Variants in XYLT1 observed in about 807,000 individuals in gnomAD.
XYLT1 encodes beta-D-xylosyltransferase 1.
In XYLT1, 36 loss-of-function variants were observed where a neutral mutation model predicts 91.3. That is an observed-to-expected ratio of 0.39 (90% CI 0.30 to 0.52). XYLT1 has a LOEUF of 0.52. Ranked by LOEUF, XYLT1 falls within the 20% of genes least tolerant of loss-of-function variation. The pLI, the probability that XYLT1 is intolerant of heterozygous loss-of-function variation, is 0.68. For synonymous variants in XYLT1, 588 were observed against 532.0 expected, an observed-to-expected ratio of 1.11 and a Z score of -1.45; for missense variants, 1,242 against 1,284.5, an observed-to-expected ratio of 0.97 and a Z score of 0.51.
chr16:17,240,886 A>G (rs1486475814), intron 3 of XYLT1, among the ~76,000 whole-genome samples: 2 of 152,198 alleles, frequency 1.3e-5, no homozygotes. Flanking sequence ...GATGTGCTCA[A>G]TGTTCCATAG....
At chr16:17,195,398 C>T (rs570025024) in intron 5 of XYLT1, among the ~76,000 whole-genome samples, 2 of 152,032 alleles carry the variant, frequency 1.3e-5, no homozygotes, top group Admixed American at 1.3e-4. Context: ...TTATGGCCCT[C>T]GAGTTTTTCT....
At chr16:17,276,595 C>G (rs1345672566) in intron 2 of XYLT1, among the ~76,000 whole-genome samples, 1 of 152,170 alleles carries the variant, frequency 6.6e-6, no homozygotes, top group African/African-American at 2.4e-5. Flanking sequence ...CTGTCATCAT[C>G]CAGAAGGAAA....
chr16:17,258,947 G>T lies in XYLT1; in HGVS notation c.913+41C>A. The T allele has an allele frequency of 1.4e-6, 2 of 1,478,082 alleles. 1 individual carries two copies. Among genetic ancestry groups the T allele is most frequent in the Middle Eastern group, 4.0e-4 (2 of 4,974 alleles). The allele number at this position is 1,478,082 out of a possible 1,614,324, so 91.6% of individuals were successfully genotyped here. A position where few individuals can be genotyped will look rare whatever the true frequency, so the allele number is the denominator to read the frequency against. ...TGGGGCTGGGCAGGAGGAGGAAGTG[G>T]CCAGGAGATCCCTCTCTGAGCCAGC... is the stretch of plus-strand genomic sequence containing the variant. On this transcript the variant is annotated intron_variant, in intron 3 of 11. Transcript: ENST00000261381.
intron 6 of XYLT1, among the ~76,000 whole-genome samples, chr16:17,152,753 A>G (rs1196514774): frequency 1.3e-4 from 20 of 152,214 alleles, no homozygotes; most frequent in Admixed American, 6.5e-5. Flanking sequence ...TGGGGTTCAG[A>G]CCAGAGAAGA....
At chr16:17,173,823 G>T (rs1364147543) in intron 5 of XYLT1, among the ~76,000 whole-genome samples, 1 of 152,198 alleles carries the variant, frequency 6.6e-6, no homozygotes, top group African/African-American at 2.4e-5. Context: ...CACCTTGCAG[G>T]TTTCTTTATC....
chr16:17,318,019 C>T (rs1012883547), intron 2 of XYLT1, among the ~76,000 whole-genome samples: 1 of 152,222 alleles, frequency 6.6e-6, no homozygotes, highest in Non-Finnish European at 1.5e-5. Flanking sequence ...CCTGTTTAAC[C>T]ATTATCACAG....
intron 3 of XYLT1, among the ~76,000 whole-genome samples, chr16:17,210,749 T>G (rs139505467): frequency 9.2e-5 from 14 of 152,280 alleles, no homozygotes; most frequent in Non-Finnish European, 2.1e-4. Context: ...AAGAGAGGAT[T>G]CACATGCTGC....
chr16:17,390,289 G>A (rs12924601), intron 1 of XYLT1, among the ~76,000 whole-genome samples: 69,178 of 152,046 alleles, frequency 0.45, 16,598 homozygotes, highest in African/African-American at 0.56. Flanking sequence ...CTGTATGTAC[G>A]TGAATAAGCT....
At chr16:17,209,645 T>C (rs2032722071) in intron 3 of XYLT1, among the ~76,000 whole-genome samples, 1 of 152,176 alleles carries the variant, frequency 6.6e-6, no homozygotes, top group South Asian at 2.1e-4. Flanking sequence ...CCCTACCATT[T>C]ATTAGGAGGT....
At chr16:17,138,784 CCTGA>C (rs1340621128) in intron 7 of XYLT1, 4 of 420,798 alleles carry the variant, frequency 9.5e-6, no homozygotes, top group South Asian at 6.7e-5. Context: ...AACACAACTA[CCTGA>C]CTGTCAAGGG....
At chr16:17,143,110 C>A (rs552712957) in intron 6 of XYLT1, among the ~76,000 whole-genome samples, 1 of 152,112 alleles carries the variant, frequency 6.6e-6, no homozygotes, top group Non-Finnish European at 1.5e-5. Context: ...TGTTCAGGTC[C>A]CAGAGCTGGT....
intron 1 of XYLT1, among the ~76,000 whole-genome samples, chr16:17,443,586 C>T (rs761233175): frequency 3.3e-5 from 5 of 152,192 alleles, no homozygotes; most frequent in Non-Finnish European, 7.3e-5. Flanking sequence ...GTCAATTAAA[C>T]CTCTTTTGTT....
At position 17,219,142 on chromosome 16, in the gene XYLT1, C is replaced by T. The variant is rs147167194; in HGVS notation, c.914-18488G>A. ...ACTAAAAATACAAAAATTAGCTGGG[C>T]GTGGTGGCACATGCCTATAATCCCA... On this transcript the variant is annotated intron_variant, in intron 3 of 11. Coordinates refer to ENST00000261381, the MANE Select transcript of XYLT1 (RefSeq NM_022166.4). Among the ~76,000 whole-genome samples, 949 of 151,952 alleles carry T rather than the reference C, an allele frequency of 6.2e-3. 6 individuals carry two copies. Among genetic ancestry groups the T allele is most frequent in the African/African-American group, 0.022 (894 of 41,456 alleles).
At chr16:17,124,348 T>A (rs1414592823) in intron 10 of XYLT1, among the ~76,000 whole-genome samples, 1 of 152,204 alleles carries the variant, frequency 6.6e-6, no homozygotes, top group Non-Finnish European at 1.5e-5. Context: ...AGCATTTTTC[T>A]GAAAAAACTG....
chr16:17,252,096 G>A (rs764305677), intron 3 of XYLT1, among the ~76,000 whole-genome samples: 4 of 151,498 alleles, frequency 2.6e-5, no homozygotes, highest in Admixed American at 6.6e-5. Flanking sequence ...CCTCCATTGC[G>A]ACGATTAGGT....
chr16:17,362,093 G>C (rs1477981104), intron 1 of XYLT1, among the ~76,000 whole-genome samples: 3 of 152,150 alleles, frequency 2.0e-5, no homozygotes, highest in African/African-American at 7.2e-5. Context: ...TTACACTGGA[G>C]AACACTGGGT....
intron 3 of XYLT1, among the ~76,000 whole-genome samples, chr16:17,228,253 G>C (rs569220064): frequency 6.6e-6 from 1 of 152,188 alleles, no homozygotes; most frequent in Non-Finnish European, 1.5e-5. Context: ...ATTCCCGATT[G>C]ACAGGATTAG....
rs753372230 is a variant in XYLT1 at position 17,198,313 on chromosome 16, G to A, written c.1188C>T (p.Ser396=). 4 of 1,614,210 alleles carry A rather than the reference G, an allele frequency of 2.5e-6. No homozygotes were observed. The highest frequency in any genetic ancestry group is 2.2e-5 in the South Asian group (2 of 91,090). Residue 396 remains serine (S), a synonymous_variant, in exon 5 of 12, where the codon AGC becomes AGT. Coordinates refer to ENST00000261381, the MANE Select transcript of XYLT1 (RefSeq NM_022166.4). The part of the protein sequence containing the change: ...WRMATIWGGA[S]LLSTYLQSMR... ...TGCTCTGCAGGTAGGTGGACAGGAG[G>A]CTGGCTCCTCCCCAGATGGTGGCCA...
rs374567962 is a variant in XYLT1 at position 17,256,649 on chromosome 16, G to GAA, written c.913+2337_913+2338dup. Among the ~76,000 whole-genome samples, 47 of 114,106 alleles carry GAA rather than the reference G, an allele frequency of 4.1e-4. 2 individuals are homozygous for GAA. The highest frequency in any genetic ancestry group is 6.4e-4 in the East Asian group (3 of 4,704). 74.9% of individuals were successfully genotyped at this position (114,106 alleles called of 152,430 possible). A position where few individuals can be genotyped will look rare whatever the true frequency, so the allele number is the denominator to read the frequency against. ...TGATGACAGAGTGAGACTCCGTCTC[G>GAA]AAAAAAAAAACAAAAAAAAGAGTAG... On this transcript the variant is annotated intron_variant, in intron 3 of 11. Coordinates refer to ENST00000261381, the MANE Select transcript of XYLT1 (RefSeq NM_022166.4).
Sources: gnomAD v4.1 joint callset for allele counts (sites outside exome capture counted in the v4.1 genomes callset) on GRCh38, gnomAD v4.1.1 for gene constraint, MANE v1.5 for transcripts, NCBI Gene and HGNC (gene_info 2026-07-23, HGNC 2026-07-21) for gene names.